Variants in PNPLA2 observed in about 807,000 individuals in gnomAD.
The protein encoded by PNPLA2 is patatin like domain 2, triacylglycerol lipase.
PNPLA2 carries 28 observed loss-of-function variants against 39.7 expected under a neutral mutation model. The ratio of observed to expected loss-of-function variants is 0.70; its 90% CI spans 0.52 to 0.97. The LOEUF (loss-of-function observed/expected upper bound fraction) is 0.97. PNPLA2 is among the 50% of genes least tolerant of loss of function. PNPLA2 has a pLI of 0.00. For synonymous variants in PNPLA2, 392 were observed against 321.1 expected (o/e 1.22, Z -2.36); for missense variants, 768 against 698.2 (o/e 1.10, Z -1.13).
Position 822,739 on chromosome 11 carries a change from C to G in PNPLA2, c.696+133C>G. 5 of 752,838 alleles carry G rather than the reference C, an allele frequency of 6.6e-6. No individual in the cohort carries two copies. The South Asian group carries it at 7.2e-5, about 11-fold the overall frequency. The allele number at this position is 752,838 out of a possible 1,614,324, so 46.6% of individuals were successfully genotyped here. Reference sequence around the variant, plus strand: ...CCTCTTCTGAGGGCTGGGGAAAGCGCACAACCTTTCTAGGGGCAGATGGCC... The same window carrying G: ...CCTCTTCTGAGGGCTGGGGAAAGCGGACAACCTTTCTAGGGGCAGATGGCC... On this transcript the variant is annotated intron_variant, in intron 5 of 9. Coordinates refer to ENST00000336615, the MANE Select transcript of PNPLA2 (RefSeq NM_020376.4).
Position 821,647 on chromosome 11 carries a change from C to T in PNPLA2, c.207C>T (p.Phe69=). The T allele has an allele frequency of 6.2e-7, 1 of 1,613,712 alleles. No individual in the cohort carries two copies. ...GVCLGEAGAK[F]IEVSKEARKR... is the part of the protein sequence containing the mutation. ...CCCCAGGTGAGGCTGGTGCCAAGTTCATTGAGGTATCTAAAGAGGCCCGGA... is the reference window on the plus strand; with the variant it reads ...CCCCAGGTGAGGCTGGTGCCAAGTTTATTGAGGTATCTAAAGAGGCCCGGA... The change falls in exon 3 of 10, where the codon TTC becomes TTT. Residue 69 remains phenylalanine (F), a synonymous_variant. Transcript: ENST00000336615.
In PNPLA2 at chr11:824,701, G is replaced by T. The variant is rs1565091530; in HGVS notation, c.1354G>T (p.Val452Leu). ...GCTGCTCGGCCTCTTCTGCACCAAC[G>T]TGGCCTTCCCGCCCGAAGCTCTGCG... is the stretch of plus-strand genomic sequence containing the variant. ...QLLLGLFCTN[V>L]AFPPEALRMR... The change falls in exon 10 of 10, where the codon GTG becomes TTG. Residue 452 changes from valine to leucine, a missense_variant. Coordinates refer to ENST00000336615, the MANE Select transcript of PNPLA2 (RefSeq NM_020376.4). 6.3e-7 allele frequency: 1 copy of T among 1,593,686 alleles called. No homozygotes were observed. Among genetic ancestry groups the T allele is most frequent in the Non-Finnish European group, 8.5e-7 (1 of 1,177,006 alleles).
At position 821,721 on chromosome 11, in the gene PNPLA2, T is replaced by C. The variant is rs1339962849; in HGVS notation, c.281T>C (p.Ile94Thr). The C allele has an allele frequency of 6.2e-7, 1 of 1,613,988 alleles. No homozygotes were observed. The highest frequency in any genetic ancestry group is 1.7e-5 in the Admixed American group (1 of 60,016). The change falls in exon 3 of 10, where the codon ATC (isoleucine) becomes ACC (threonine). Residue 94 changes from isoleucine (I) to threonine (T), a missense_variant. Transcript: ENST00000336615. ...LHPSFNLVKI[I>T]RSFLLKVLPA... The stretch of plus-strand genomic sequence containing the variant: ...CCCTCCTTCAACCTGGTAAAGATCA[T>C]CCGCAGTTTCCTGCTGAAGGTCCTG...
chr11:819,816 C>T lies in PNPLA2; in HGVS notation c.98C>T (p.Ala33Val). 2.0e-6 allele frequency: 3 copies of T among 1,498,592 alleles called. No homozygotes were observed. Among genetic ancestry groups the T allele is most frequent in the Non-Finnish European group, 2.7e-6 (3 of 1,124,918 alleles). 92.8% of individuals were successfully genotyped at this position (1,498,592 alleles called of 1,614,324 possible). ...VGVASCLREH[A>V]PFLVANATHI... ...GTGGCCTCCTGCCTCCGCGAGCACG[C>T]GCCCTTCCTGGTGGCCAACGCCACG... Residue 33 changes from alanine to valine, a missense_variant, in exon 2 of 10, where the codon GCG becomes GTG. Ala to Val is a moderately conservative substitution (Grantham distance 64). Transcript: ENST00000336615.
intron 8 of PNPLA2, 52 bp downstream of exon 8, chr11:824,182 C>T (rs767462640): frequency 1.3e-6 from 2 of 1,562,486 alleles, no homozygotes; most frequent in South Asian, 2.3e-5. Flanking sequence ...ACTTTGGGAT[C>T]ATCCGCGAGT....
rs1458057753 is a variant in PNPLA2, at chr11:824,518, C to G, written c.1176-5C>G. Reference sequence around the variant, plus strand: ...AGCCCTCCCTGCCGCATCCCTGCCCCGCAGGCTGCCGGAGCAGGTGGAGCT... The same window carrying G: ...AGCCCTCCCTGCCGCATCCCTGCCCGGCAGGCTGCCGGAGCAGGTGGAGCT... On this transcript the variant is annotated splice_region_variant and splice_polypyrimidine_tract_variant and intron_variant, in intron 9 of 9. Coordinates refer to ENST00000336615, the MANE Select transcript of PNPLA2 (RefSeq NM_020376.4). The G allele has an allele frequency of 3.9e-6, 6 of 1,546,636 alleles. No homozygotes were observed. Among genetic ancestry groups the G allele is most frequent in the Non-Finnish European group, 5.2e-6 (6 of 1,148,368 alleles).
rs745927123 is a variant in PNPLA2 at position 821,985 on chromosome 11, G to T, written c.448G>T (p.Val150Leu). Residue 150 changes from valine to leucine, a missense_variant, in exon 4 of 10, where the codon GTG becomes TTG. Val to Leu is a conservative substitution (Grantham distance 32). Coordinates refer to ENST00000336615, the MANE Select transcript of PNPLA2 (RefSeq NM_020376.4). Reference protein sequence around the residue: ...QANVCSGFIPVYCGLIPPSLQ... With the variant: ...QANVCSGFIPLYCGLIPPSLQ... ...CAATGTCTGCAGCGGTTTCATCCCC[G>T]TGTACTGTGGGCTCATCCCTCCCTC... is the stretch of plus-strand genomic sequence containing the variant. 1 of 1,613,808 alleles carries T rather than the reference G, an allele frequency of 6.2e-7. No homozygotes were observed. Among genetic ancestry groups the T allele is most frequent in the Non-Finnish European group, 8.5e-7 (1 of 1,179,982 alleles).
At chr11:823,490 T>C in intron 5 of PNPLA2, 37 bp from the exon 6 acceptor site, 2 of 1,578,870 alleles carry the variant, frequency 1.3e-6, no homozygotes, top group Non-Finnish European at 1.7e-6. Context: ...CGGGCATCCC[T>C]GGCTCCCTCC....
At position 821,869 on chromosome 11, in the gene PNPLA2, T is replaced by C. The variant is rs759700609; in HGVS notation, c.420+9T>C. 1 of 1,612,262 alleles carries C rather than the reference T, an allele frequency of 6.2e-7. No individual in the cohort carries two copies. The highest frequency in any genetic ancestry group is 1.7e-5 in the Admixed American group (1 of 60,024). The stretch of plus-strand genomic sequence containing the variant: ...AGGACGAGCTCATCCAGGTGGGGCC[T>C]GGTGGAGCCATGCTGGGTGGCGGTG... On this transcript the variant is annotated intron_variant, in intron 3 of 9. Coordinates refer to ENST00000336615, the MANE Select transcript of PNPLA2 (RefSeq NM_020376.4).
Position 822,820 on chromosome 11 carries a change from CT to C in PNPLA2, c.696+232del, listed in dbSNP as rs528124756. 4.8e-3 allele frequency among the ~76,000 whole-genome samples: 635 copies of C among 131,440 alleles called. 2 individuals carry two copies. The highest frequency in any genetic ancestry group is 0.015 in the African/African-American group (551 of 36,358). 86.2% of individuals were successfully genotyped at this position (131,440 alleles called of 152,430 possible). ...CAGGCTCCCTGTCCAGTCTCTCTCT[CT>C]TTTTTTTTTTTTTTTTTGTTTGAGA... is the stretch of plus-strand genomic sequence containing the variant. On this transcript the variant is annotated intron_variant, in intron 5 of 9. Coordinates refer to ENST00000336615, the MANE Select transcript of PNPLA2 (RefSeq NM_020376.4).
chr11:824,890 C>A lies in PNPLA2; in HGVS notation c.*28C>A. 1 of 1,491,668 alleles carries A rather than the reference C, an allele frequency of 6.7e-7. No individual in the cohort carries two copies. The highest frequency in any genetic ancestry group is 9.0e-7 in the Non-Finnish European group (1 of 1,106,716). 92.4% of individuals were successfully genotyped at this position (1,491,668 alleles called of 1,614,324 possible). ...CCCCGACCCTCTCGAGGAACCCTGC[C>A]TGAGACGCCTCCATTACCACTGCGC... is the stretch of plus-strand genomic sequence containing the variant. On this transcript the variant is annotated 3_prime_UTR_variant, in exon 10 of 10. Transcript: ENST00000336615.
At chr11:821,893 TGG>T in intron 3 of PNPLA2, 33 bp downstream of exon 3, 1 of 1,600,222 alleles carries the variant, frequency 6.2e-7, no homozygotes, top group Non-Finnish European at 8.6e-7. Context: ...TGGGTGGCGG[TGG>T]GGGGGGCAGT....
chr11:822,652 T>TG (rs765129738), intron 5 of PNPLA2, 46 bp downstream of exon 5: 29 of 1,470,240 alleles, frequency 2.0e-5, no homozygotes, highest in Non-Finnish European at 2.7e-5. Context: ...CACTCCTCAC[T>TG]GGGCACCAAG....
Position 819,582 on chromosome 11 carries a change from C to T in PNPLA2, c.-137C>T. On this transcript the variant is annotated 5_prime_UTR_variant, in exon 2 of 10. Transcript: ENST00000336615. ...CCGCGCCGCCCGCGTAGCTTCTTCG[C>T]CTCCGCCAGCGGGGACCCCGAGCTA... 7.8e-7 allele frequency: 1 copy of T among 1,281,076 alleles called. No homozygotes were observed. Among genetic ancestry groups the T allele is most frequent in the Non-Finnish European group, 9.9e-7 (1 of 1,005,934 alleles). The allele number at this position is 1,281,076 out of a possible 1,614,324, so 79.4% of individuals were successfully genotyped here. A position where few individuals can be genotyped will look rare whatever the true frequency, so the allele number is the denominator to read the frequency against.
chr11:819,515 G>A, intron 1 of PNPLA2, 59 bp from the exon 2 acceptor site: 1 of 1,257,494 alleles, frequency 8.0e-7, no homozygotes, highest in South Asian at 2.6e-5. Flanking sequence ...TCGTGTGCCG[G>A]CCCCGCCCCC....
At chr11:821,153 C>T (rs1388123511) in intron 2 of PNPLA2, 12 of 224,938 alleles carry the variant, frequency 5.3e-5, no homozygotes, top group Admixed American at 5.2e-4. Context: ...GGGGTGCTTC[C>T]TCTTGGCTGC....
Position 824,624 on chromosome 11 carries a change from AC to A in PNPLA2, c.1279del (p.Leu427SerfsTer62). 8 of 1,595,158 alleles carry A rather than the reference AC, an allele frequency of 5.0e-6. No homozygotes were observed. Among genetic ancestry groups the A allele is most frequent in the Non-Finnish European group, 6.8e-6 (8 of 1,175,982 alleles). On this transcript the variant is annotated frameshift_variant, in exon 10 of 10. Coordinates refer to ENST00000336615, the MANE Select transcript of PNPLA2 (RefSeq NM_020376.4). LOFTEE classifies it low-confidence loss of function (END_TRUNC). ...REALPGWMRNNLSLGDALAKW... is the reference protein window; with the variant it reads ...REALPGWMRNXLSLGDALAKW... ...GCACTGCCCGGCTGGATGCGCAACA[AC>A]CTCTCGCTGGGGGACGCGCTGGCCA...
At chr11:819,471 G>A in intron 1 of PNPLA2, 103 bp from the exon 2 acceptor site, 1 of 1,215,090 alleles carries the variant, frequency 8.2e-7, no homozygotes, top group Non-Finnish European at 1.0e-6. Context: ...GGGTCCCGAG[G>A]GCACGGCCGT....
chr11:824,140 C>T lies in PNPLA2; in HGVS notation c.1052+10C>T, dbSNP rs755623042. 1.5e-4 allele frequency: 236 copies of T among 1,589,246 alleles called. 1 individual carries two copies. Among genetic ancestry groups the T allele is most frequent in the Non-Finnish European group, 2.0e-4 (229 of 1,168,998 alleles). On this transcript the variant is annotated intron_variant, in intron 8 of 9. Transcript: ENST00000336615. The stretch of plus-strand genomic sequence containing the variant: ...TGTCCTTCACCATCCGGTGTGAGGG[C>T]TGGGGGGTCGGGAGAGGGGCCCAGG...
Sources: gnomAD v4.1 joint callset for allele counts (sites outside exome capture counted in the v4.1 genomes callset) on GRCh38, gnomAD v4.1.1 for gene constraint, MANE v1.5 for transcripts, NCBI Gene and HGNC (gene_info 2026-07-23, HGNC 2026-07-21) for gene names.